The following PRAMEF4 variants were observed in gnomAD, a reference collection of about 807,000 sequenced individuals.
The protein encoded by PRAMEF4 is PRAME family member 4, also known as RP5-845O24.6.
In PRAMEF4, 18 loss-of-function variants were observed where a neutral mutation model predicts 34.4. The observed-to-expected ratio is 0.52, with a 90% CI of 0.36 to 0.78. The LOEUF (loss-of-function observed/expected upper bound fraction) is 0.78, where lower values mean the gene tolerates loss of function less well. PRAMEF4 is among the 30% of genes least tolerant of loss of function. The probability of loss-of-function intolerance (pLI) is 0.00; values close to 1 mark genes in which losing one functional copy is unlikely to be tolerated. For synonymous variants in PRAMEF4, 156 were observed against 219.3 expected, an observed-to-expected ratio of 0.71 and a Z score of 2.55; for missense variants, 482 against 569.1, an observed-to-expected ratio of 0.85 and a Z score of 1.56.
At chr1:12,881,007 G>C (rs138216553) in intron 3 of PRAMEF4, among the ~76,000 whole-genome samples, 3 of 147,960 alleles carry the variant, frequency 2.0e-5, no homozygotes, top group Non-Finnish European at 4.5e-5. Context: ...GACAAGTGCA[G>C]GTTTGCTGAA....
chr1:12,883,238 C>A lies in PRAMEF4; in HGVS notation c.157G>T (p.Ala53Ser), dbSNP rs1234540390. Residue 53 changes from alanine (A) to serine (S), a missense_variant, in exon 2 of 4, where the codon GCC becomes TCC. By Grantham distance (99) the Ala-to-Ser change is moderately conservative. Around this residue, in one of 6 missense-constraint regions of PRAMEF4, gnomAD observed 172 missense variants for 130.2 expected, o/e 1.32. Coordinates refer to ENST00000235349, the MANE Select transcript of PRAMEF4 (RefSeq NM_001009611.4). ...MEAFSRRRCEALKLMVQSWPF... is the reference protein window; with the variant it reads ...MEAFSRRRCESLKLMVQSWPF... ...CAGGACTGCACCATCAGCTTCAGGG[C>A]CTCACAGCGTCTCCTGCTGAAGGCC... The A allele has an allele frequency of 3.8e-6, 6 of 1,598,706 alleles. 1 individual carries two copies. The East Asian group carries it at 1.4e-4, about 36-fold the overall frequency.
intron 1 of PRAMEF4, among the ~76,000 whole-genome samples, chr1:12,885,007 C>T (rs1640972792): frequency 6.6e-6 from 1 of 150,508 alleles, no homozygotes. Flanking sequence ...TTGAGGGATC[C>T]TTGGCCACAT....
chr1:12,882,672 C>T (rs1411972276), intron 2 of PRAMEF4, among the ~76,000 whole-genome samples: 1 of 147,730 alleles, frequency 6.8e-6, no homozygotes, highest in Non-Finnish European at 1.5e-5. Flanking sequence ...CTCACTGCAA[C>T]CTCTGCTTCC....
rs537964462 is a variant in PRAMEF4 at position 12,885,431 on chromosome 1, C to T, written c.-17+716G>A. ...GAGTACAGTAGTGGTGTGAGCATGG[C>T]TCACTGCAGCCTCAATCTTCTGGGC... On this transcript the variant is annotated intron_variant, in intron 1 of 3. Transcript: ENST00000235349. Among the ~76,000 whole-genome samples, 57 of 150,016 alleles carry T rather than the reference C, an allele frequency of 3.8e-4. 3 individuals are homozygous for T. Among genetic ancestry groups the T allele is most frequent in the East Asian group, 7.8e-4 (4 of 5,140 alleles).
rs529786851 is a variant in PRAMEF4 at position 12,883,372 on chromosome 1, G to A, written c.23C>T (p.Pro8Leu). 1 of 1,600,316 alleles carries A rather than the reference G, an allele frequency of 6.2e-7. No homozygotes were observed. Among genetic ancestry groups the A allele is most frequent in the African/African-American group, 1.4e-5 (1 of 73,500 alleles). ...CCCTGCAAGCTCCAGGAGTCTGGGT[G>A]GAGTCCAGATGCTCATCTTCATGAA... Reference protein sequence around the residue: MKMSIWTPPRLLELAGRS... With the variant: MKMSIWTLPRLLELAGRS... Residue 8 changes from proline to leucine, a missense_variant, in exon 2 of 4, where the codon CCA (proline) becomes CTA (leucine). Physicochemically the swap from Pro to Leu is moderately conservative, Grantham distance 98. Coordinates refer to ENST00000235349, the MANE Select transcript of PRAMEF4 (RefSeq NM_001009611.4).
At position 12,880,713 on chromosome 1, in the gene PRAMEF4, A is replaced by G. The variant is rs1379549299; in HGVS notation, c.876-608T>C. Among the ~76,000 whole-genome samples the G allele has an allele frequency of 3.5e-4, 52 of 147,096 alleles. 1 individual carries two copies. The highest frequency in any genetic ancestry group is 1.2e-3 in the African/African-American group (47 of 39,356). ...AGGCAGAAAACCACATCCCTGGGCC[A>G]CAGGAGCCCAGTGGAGATTCAGGCA... On this transcript the variant is annotated intron_variant, in intron 3 of 3. Transcript: ENST00000235349.
At position 12,885,238 on chromosome 1, in the gene PRAMEF4, T is replaced by TC. The variant is rs1162843638; in HGVS notation, c.-17+908dup. On this transcript the variant is annotated intron_variant, in intron 1 of 3. Coordinates refer to ENST00000235349, the MANE Select transcript of PRAMEF4 (RefSeq NM_001009611.4). ...TCCGCCTCCAAGATTCAAGCAATTC[T>TC]CATGCTTCAGCCTTCCACATAGCTG... 1.0e-4 allele frequency among the ~76,000 whole-genome samples: 14 copies of TC among 137,678 alleles called. 1 individual carries two copies. Among genetic ancestry groups the TC allele is most frequent in the Admixed American group, 3.1e-4 (4 of 13,052 alleles). 90.3% of individuals were successfully genotyped at this position (137,678 alleles called of 152,430 possible).
At chr1:12,880,575 T>A (rs1308761939) in intron 3 of PRAMEF4, among the ~76,000 whole-genome samples, 14 of 136,644 alleles carry the variant, frequency 1.0e-4, no homozygotes, top group Non-Finnish European at 1.9e-4. Flanking sequence ...GACTCTGTAT[T>A]AAAAAAAAAA....
chr1:12,879,359 C>G lies in PRAMEF4; in HGVS notation c.*185G>C. Reference sequence around the variant, plus strand: ...AGGACACAGGTCCCCAAAGTCCCATCGAATCCATGGCAACATTTCCCCCAA... The same window carrying G: ...AGGACACAGGTCCCCAAAGTCCCATGGAATCCATGGCAACATTTCCCCCAA... On this transcript the variant is annotated 3_prime_UTR_variant, in exon 4 of 4. Coordinates refer to ENST00000235349, the MANE Select transcript of PRAMEF4 (RefSeq NM_001009611.4). The G allele has an allele frequency of 1.3e-6, 1 of 766,482 alleles. No homozygotes were observed. The highest frequency in any genetic ancestry group is 2.0e-6 in the Non-Finnish European group (1 of 491,900). 47.5% of individuals were successfully genotyped at this position (766,482 alleles called of 1,614,324 possible). A position where few individuals can be genotyped will look rare whatever the true frequency, so the allele number is the denominator to read the frequency against.
rs753409597 is a variant in PRAMEF4 at position 12,882,054 on chromosome 1, C to G, written c.675G>C (p.Gln225His). The G allele has an allele frequency of 4.4e-6, 7 of 1,590,120 alleles. No individual in the cohort carries two copies. In the African/African-American group the frequency reaches 9.8e-5, roughly 22 times the overall value. The change falls in exon 3 of 4, where the codon CAG becomes CAC. Residue 225 changes from glutamine (Q) to histidine (H), a missense_variant. Gln to His is a conservative substitution (Grantham distance 24, BLOSUM62 0). Coordinates refer to ENST00000235349, the MANE Select transcript of PRAMEF4 (RefSeq NM_001009611.4). ...NCKWVLPILT[Q>H]FTPYLGHMRN... ...TCATGTGGCCCAGGTATGGGGTAAA[C>G]TGTGTCAGGATGGGCAGTACCCACT... is the stretch of plus-strand genomic sequence containing the variant.
chr1:12,882,286 G>A lies in PRAMEF4; in HGVS notation c.443C>T (p.Pro148Leu). 6.7e-7 allele frequency: 1 copy of A among 1,500,922 alleles called. No homozygotes were observed. Among genetic ancestry groups the A allele is most frequent in the Non-Finnish European group, 9.1e-7 (1 of 1,103,496 alleles). 93.0% of individuals were successfully genotyped at this position (1,500,922 alleles called of 1,614,324 possible). Residue 148 changes from proline to leucine, a missense_variant, in exon 3 of 4, where the codon CCC (proline) becomes CTC (leucine). Transcript: ENST00000235349. ...CCAAAGTTCTACGAACACAGTCAAG[G>A]GCTGCCGTCCTTTCATCCTTGGACA... ...EDCPRMKGRQ[P>L]LTVFVELWLK...
chr1:12,884,063 T>C lies in PRAMEF4; in HGVS notation c.-16-653A>G, dbSNP rs1273181326. On this transcript the variant is annotated intron_variant, in intron 1 of 3. Transcript: ENST00000235349. The stretch of plus-strand genomic sequence containing the variant: ...TTGCTGTGTCACCCAGCCTGGAGTG[T>C]AGTGGTGGGATCTCAGCTCAGTGCA... Among the ~76,000 whole-genome samples, 3 of 146,232 alleles carry C rather than the reference T, an allele frequency of 2.1e-5. 1 individual carries two copies. The highest frequency in any genetic ancestry group is 1.4e-4 in the Admixed American group (2 of 13,944).
intron 1 of PRAMEF4, among the ~76,000 whole-genome samples, chr1:12,884,377 T>G (rs559054411): frequency 0.021 from 3,053 of 142,864 alleles, 25 homozygotes; most frequent in East Asian, 0.1. Context: ...TGCATCATTC[T>G]CAAGATAGAT....
At chr1:12,883,839 T>A (rs1443483968) in intron 1 of PRAMEF4, among the ~76,000 whole-genome samples, 1 of 146,274 alleles carries the variant, frequency 6.8e-6, no homozygotes, top group Non-Finnish European at 1.5e-5. Flanking sequence ...GAACAGGTTC[T>A]ATTTGTTTTC....
At position 12,882,282 on chromosome 1, in the gene PRAMEF4, C is replaced by G; in HGVS notation, c.447G>C (p.Leu149Phe). The G allele has an allele frequency of 1.3e-6, 2 of 1,509,934 alleles. No homozygotes were observed. The highest frequency in any genetic ancestry group is 2.3e-5 in the South Asian group (2 of 87,454). 93.5% of individuals were successfully genotyped at this position (1,509,934 alleles called of 1,614,324 possible). Residue 149 changes from leucine (L) to phenylalanine (F), a missense_variant, in exon 3 of 4, where the codon TTG (leucine) becomes TTC (phenylalanine). Coordinates refer to ENST00000235349, the MANE Select transcript of PRAMEF4 (RefSeq NM_001009611.4). ...TGAGCCAAAGTTCTACGAACACAGT[C>G]AAGGGCTGCCGTCCTTTCATCCTTG... ...DCPRMKGRQP[L>F]TVFVELWLKN...
chr1:12,881,714 C>T (rs1360641513), intron 3 of PRAMEF4, 140 bp downstream of exon 3: 4 of 1,401,446 alleles, frequency 2.9e-6, no homozygotes, highest in Non-Finnish European at 2.9e-6. Context: ...GACAGGGCCG[C>T]CCACAGGACA....
At chr1:12,884,957 G>T (rs1157069582) in intron 1 of PRAMEF4, among the ~76,000 whole-genome samples, 1 of 150,320 alleles carries the variant, frequency 6.7e-6, no homozygotes, top group South Asian at 2.1e-4. Flanking sequence ...ATCTCTTCCT[G>T]ATATTAGACA....
chr1:12,885,081 A>G (rs899865094), intron 1 of PRAMEF4, among the ~76,000 whole-genome samples: 2 of 150,802 alleles, frequency 1.3e-5, no homozygotes, highest in Non-Finnish European at 2.9e-5. Context: ...AGTCCCTAAG[A>G]AAACACAATA....
In PRAMEF4 at chr1:12,885,184, C is replaced by G. The variant is rs554140079; in HGVS notation, c.-17+963G>C. Among the ~76,000 whole-genome samples the G allele has an allele frequency of 1.2e-4, 18 of 150,604 alleles. 1 individual carries two copies. The highest frequency in any genetic ancestry group is 8.8e-4 in the Admixed American group (13 of 14,802). ...TCACTTCGTCGCCCAGGCTGGAGTGCAGTGGCACCATCATGGCTCACTGTT... is the reference window on the plus strand; with the variant it reads ...TCACTTCGTCGCCCAGGCTGGAGTGGAGTGGCACCATCATGGCTCACTGTT... On this transcript the variant is annotated intron_variant, in intron 1 of 3. Coordinates refer to ENST00000235349, the MANE Select transcript of PRAMEF4 (RefSeq NM_001009611.4).
Sources: gnomAD v4.1 joint callset for allele counts (sites outside exome capture counted in the v4.1 genomes callset) on GRCh38, gnomAD v4.1.1 for gene constraint, gnomAD v4.1.1 regional missense constraint, MANE v1.5 for transcripts, NCBI Gene and HGNC (gene_info 2026-07-23, HGNC 2026-07-21) for gene names.